Variants in ENAM observed in about 807,000 individuals in gnomAD.
ENAM encodes the protein amelogenesis imperfecta 2, hypocalcification (autosomal dominant).
ENAM carries 21 observed loss-of-function variants against 33.6 expected under a neutral mutation model. The ratio of observed to expected loss-of-function variants is 0.63; its 90% CI spans 0.44 to 0.90. The LOEUF (loss-of-function observed/expected upper bound fraction) is 0.90. ENAM is among the 40% of genes least tolerant of loss of function. The probability of loss-of-function intolerance (pLI) is 0.00; values close to 1 mark genes in which losing one functional copy is unlikely to be tolerated. For synonymous variants in ENAM, 473 were observed against 468.4 expected (o/e 1.01, Z -0.13); for missense variants, 1,388 against 1,366.9 (o/e 1.02, Z -0.24).
chr4:70,641,624 G>C (rs1323366432), intron 8 of ENAM, among the ~76,000 whole-genome samples: 1 of 151,808 alleles, frequency 6.6e-6, no homozygotes, highest in Non-Finnish European at 1.5e-5. Flanking sequence ...TCCTGACCTC[G>C]TGATCCACCT....
At chr4:70,639,017 G>A (rs995739322) in intron 8 of ENAM, among the ~76,000 whole-genome samples, 1 of 151,562 alleles carries the variant, frequency 6.6e-6, no homozygotes. Flanking sequence ...GACTAGTATC[G>A]AACTCCTGGC....
chr4:70,631,962 A>G (rs1424059239), intron 4 of ENAM, 69 bp downstream of exon 4: 5 of 1,300,734 alleles, frequency 3.8e-6, no homozygotes, highest in Non-Finnish European at 5.6e-6. Context: ...AAAAAGGAGA[A>G]TATTGGAAAA....
At chr4:70,636,522 A>G (rs1321757501) in intron 7 of ENAM, among the ~76,000 whole-genome samples, 2 of 152,050 alleles carry the variant, frequency 1.3e-5, no homozygotes, top group Non-Finnish European at 2.9e-5. Context: ...TAATCCCAGC[A>G]CTTTGGGAAG....
intron 8 of ENAM, among the ~76,000 whole-genome samples, chr4:70,638,419 GCTTGA>G: frequency 6.9e-6 from 1 of 145,342 alleles, no homozygotes; most frequent in South Asian, 2.2e-4. Flanking sequence ...TAACTTAATA[GCTTGA>G]CTGGAGAGTG....
At position 70,642,121 on chromosome 4, in the gene ENAM, C is replaced by T. The variant is rs1342610411; in HGVS notation, c.695C>T (p.Pro232Leu). ...QDFEKPKEED[P>L]PKAESPGTEP... is the part of the protein sequence containing the mutation. ...TTTGAAAAACCCAAAGAAGAAGATC[C>T]TCCTAAAGCAGAAAGTCCAGGCACA... Residue 232 changes from proline to leucine, a missense_variant, in exon 9 of 9, where the codon CCT (proline) becomes CTT (leucine). Pro to Leu is a moderately conservative substitution (Grantham distance 98, BLOSUM62 -3). Transcript: ENST00000396073. The T allele has an allele frequency of 6.2e-7, 1 of 1,613,970 alleles. No homozygotes were observed. Among genetic ancestry groups the T allele is most frequent in the East Asian group, 2.2e-5 (1 of 44,880 alleles).
chr4:70,638,591 G>T (rs1738519885), intron 8 of ENAM, among the ~76,000 whole-genome samples: 1 of 149,360 alleles, frequency 6.7e-6, no homozygotes, highest in South Asian at 2.1e-4. Flanking sequence ...AGAGAGGTTG[G>T]CATTACCTGC....
At position 70,633,470 on chromosome 4, in the gene ENAM, G is replaced by A. The variant is rs577523254; in HGVS notation, c.210+778G>A. Among the ~76,000 whole-genome samples, 3 of 152,132 alleles carry A rather than the reference G, an allele frequency of 2.0e-5. No individual in the cohort carries two copies. The South Asian group carries it at 6.2e-4, about 32-fold the overall frequency. ...AAATTTTTACCAACTTAGTTGTCAT[G>A]AAATCCTGTGTCTTAGTGCAATATT... On this transcript the variant is annotated intron_variant, in intron 5 of 8. Coordinates refer to ENST00000396073, the MANE Select transcript of ENAM (RefSeq NM_031889.3).
chr4:70,630,679 T>A (rs1287486401), intron 2 of ENAM, among the ~76,000 whole-genome samples: 1 of 152,052 alleles, frequency 6.6e-6, no homozygotes, highest in Non-Finnish European at 1.5e-5. Flanking sequence ...AATAAAGAGA[T>A]AAATTTACTA....
rs1738747991 is a variant in ENAM at position 70,645,886 on chromosome 4, A to G, written c.*1031A>G. The G allele has an allele frequency of 6.6e-6, 1 of 152,248 alleles. No homozygotes were observed. The highest frequency in any genetic ancestry group is 2.4e-5 in the African/African-American group (1 of 41,460). 9.4% of individuals were successfully genotyped at this position (152,248 alleles called of 1,614,324 possible). ...GCAGGATACCCAGAACTAGCAGCCT[A>G]GGGAAAAGGCTTAGGAAGATGGAGA... On this transcript the variant is annotated 3_prime_UTR_variant, in exon 9 of 9. Coordinates refer to ENST00000396073, the MANE Select transcript of ENAM (RefSeq NM_031889.3).
chr4:70,632,994 A>T (rs1372109199), intron 5 of ENAM, among the ~76,000 whole-genome samples: 1 of 152,112 alleles, frequency 6.6e-6, no homozygotes, highest in East Asian at 1.9e-4. Context: ...ATCACATAAG[A>T]TGTCACAAAT....
chr4:70,644,469 A>T lies in ENAM; in HGVS notation c.3043A>T (p.Thr1015Ser). The T allele has an allele frequency of 6.2e-7, 1 of 1,614,102 alleles. No homozygotes were observed. The highest frequency in any genetic ancestry group is 8.5e-7 in the Non-Finnish European group (1 of 1,179,998). The change falls in exon 9 of 9, where the codon ACT becomes TCT. Residue 1015 changes from threonine (T) to serine (S), a missense_variant. Physicochemically the swap from Thr to Ser is moderately conservative, Grantham distance 58. Coordinates refer to ENST00000396073, the MANE Select transcript of ENAM (RefSeq NM_031889.3). Reference sequence around the variant, plus strand: ...GCTCAATGAAAGAACTGTTGACCTTACTCCTGAGCAGCTTGTTATTGGTAC... The same window carrying T: ...GCTCAATGAAAGAACTGTTGACCTTTCTCCTGAGCAGCTTGTTATTGGTAC... The part of the protein sequence containing the change: ...NQLNERTVDL[T>S]PEQLVIGTPD...
Position 70,637,743 on chromosome 4 carries a change from A to G in ENAM, c.535-47A>G, listed in dbSNP as rs775915003. ...CTGAGTCTTACAAACAAATGGCGGCATCGAACGTGGTTTTCTCCTGTGTTC... is the reference window on the plus strand; with the variant it reads ...CTGAGTCTTACAAACAAATGGCGGCGTCGAACGTGGTTTTCTCCTGTGTTC... On this transcript the variant is annotated intron_variant, in intron 7 of 8. Coordinates refer to ENST00000396073, the MANE Select transcript of ENAM (RefSeq NM_031889.3). 4 of 1,447,298 alleles carry G rather than the reference A, an allele frequency of 2.8e-6. No individual in the cohort carries two copies. In the East Asian group the frequency reaches 6.8e-5, roughly 25 times the overall value. The allele number at this position is 1,447,298 out of a possible 1,614,324, so 89.7% of individuals were successfully genotyped here. A position where few individuals can be genotyped will look rare whatever the true frequency, so the allele number is the denominator to read the frequency against.
Position 70,642,627 on chromosome 4 carries a change from C to G in ENAM, c.1201C>G (p.Leu401Val). The change falls in exon 9 of 9, where the codon CTC becomes GTC. Residue 401 changes from leucine (L) to valine (V), a missense_variant. By Grantham distance (32) the Leu-to-Val change is conservative. Transcript: ENST00000396073. ...CAATTATGCAGGAAATCCAGCAAAT[C>G]TCAGAAGAAAGCCTCAGGGGCCAAA... Reference protein sequence around the residue: ...YPNYAGNPANLRRKPQGPNKH... With the variant: ...YPNYAGNPANVRRKPQGPNKH... The G allele has an allele frequency of 6.2e-7, 1 of 1,614,076 alleles. No individual in the cohort carries two copies.
Position 70,645,239 on chromosome 4 carries a change from G to GATACGGCAACCACC in ENAM, c.*384_*385insATACGGCAACCACC. ...CAGATTAACTTTCCATTCTACTTAT[G>GATACGGCAACCACC]GAGATCCACACATCAGTATAGTCCT... On this transcript the variant is annotated 3_prime_UTR_variant, in exon 9 of 9. Transcript: ENST00000396073. 4.6e-5 allele frequency: 13 copies of GATACGGCAACCACC among 283,014 alleles called. No individual in the cohort carries two copies. Among genetic ancestry groups the GATACGGCAACCACC allele is most frequent in the South Asian group, 3.2e-4 (4 of 12,484 alleles). The allele number at this position is 283,014 out of a possible 1,614,324, so 17.5% of individuals were successfully genotyped here.
At chr4:70,635,668 A>G (rs905348425) in intron 6 of ENAM, among the ~76,000 whole-genome samples, 164 bp from the exon 7 acceptor site, 5 of 152,242 alleles carry the variant, frequency 3.3e-5, no homozygotes, top group Non-Finnish European at 7.3e-5. Context: ...GTCCAATGAT[A>G]CTAATTGTTA....
intron 7 of ENAM, among the ~76,000 whole-genome samples, chr4:70,637,426 TTCTC>T (rs1738478273): frequency 6.6e-6 from 1 of 152,122 alleles, no homozygotes; most frequent in Non-Finnish European, 1.5e-5. Flanking sequence ...GCACTCAAAT[TTCTC>T]TCTCTCACCC....
In ENAM at chr4:70,633,853, C is replaced by A. The variant is rs1738383747; in HGVS notation, c.211-455C>A. The stretch of plus-strand genomic sequence containing the variant: ...GTGTTTACACAGACTGAATTTTTAT[C>A]CTCTCTTTTCCTTTTTTTCTTGTTT... On this transcript the variant is annotated intron_variant, in intron 5 of 8. Transcript: ENST00000396073. Among the ~76,000 whole-genome samples the A allele has an allele frequency of 3.9e-5, 6 of 152,088 alleles. No homozygotes were observed. In the South Asian group the frequency reaches 1.2e-3, roughly 32 times the overall value.
chr4:70,642,773 T>G lies in ENAM; in HGVS notation c.1347T>G (p.Val449=), dbSNP rs759731300. Residue 449 remains valine, a synonymous_variant, in exon 9 of 9, where the codon GTT becomes GTG. Coordinates refer to ENST00000396073, the MANE Select transcript of ENAM (RefSeq NM_031889.3). The part of the protein sequence containing the change: ...KPLGPKEQII[V]PTKNPTSPWR... ...TGGGTCCAAAAGAACAAATAATAGT[T>G]CCTACAAAGAATCCAACCAGCCCCT... The G allele has an allele frequency of 2.5e-6, 4 of 1,612,650 alleles. No homozygotes were observed. The Admixed American group carries it at 5.0e-5, about 20-fold the overall frequency.
At chr4:70,632,585 C>T (rs555090358) in intron 4 of ENAM, 66 bp from the exon 5 acceptor site, 142 of 1,158,634 alleles carry the variant, frequency 1.2e-4, no homozygotes, top group Non-Finnish European at 1.6e-4. Flanking sequence ...TTATTTCTTA[C>T]GATTTGTGCA....
Sources: allele counts gnomAD v4.1 joint callset (sites outside exome capture counted in the v4.1 genomes callset), GRCh38; gene constraint gnomAD v4.1.1; transcripts MANE v1.5; gene names NCBI Gene and HGNC (gene_info 2026-07-23, HGNC 2026-07-21).